SERPINI2: variants seen among roughly 807,000 people sequenced by gnomAD.
The protein encoded by SERPINI2 is serpin I2.
A neutral mutation model predicts 47.3 loss-of-function variants in SERPINI2; 48 were observed. The observed-to-expected ratio is 1.02, with a 90% CI of 0.81 to 1.29. SERPINI2 has a LOEUF of 1.29. SERPINI2 is among the 50% of genes most tolerant of loss of function. The pLI is 0.00. For synonymous variants in SERPINI2, 135 were observed against 149.3 expected, an observed-to-expected ratio of 0.90 and a Z score of 0.70; for missense variants, 448 against 456.9, an observed-to-expected ratio of 0.98 and a Z score of 0.18.
intron 5 of SERPINI2, among the ~76,000 whole-genome samples, chr3:167,463,953 T>C (rs931699194): frequency 1.3e-5 from 2 of 151,384 alleles, no homozygotes; most frequent in African/African-American, 2.4e-5. Context: ...TTCCAGGTTT[T>C]TGCTCCAACA....
intron 6 of SERPINI2, among the ~76,000 whole-genome samples, chr3:167,451,738 A>G (rs913245886): frequency 2.0e-5 from 3 of 152,226 alleles, no homozygotes; most frequent in African/African-American, 4.8e-5. Flanking sequence ...TTTGCAGAAC[A>G]AGTGGCTGTT....
chr3:167,463,312 A>G (rs1750033800), intron 5 of SERPINI2, among the ~76,000 whole-genome samples: 2 of 152,272 alleles, frequency 1.3e-5, no homozygotes, highest in African/African-American at 4.8e-5. Context: ...ATATTCTTTG[A>G]AAAAAAGAAT....
chr3:167,455,706 G>C (rs1406342662), intron 5 of SERPINI2, among the ~76,000 whole-genome samples: 1 of 152,132 alleles, frequency 6.6e-6, no homozygotes, highest in Non-Finnish European at 1.5e-5. Flanking sequence ...GCTGTACAGG[G>C]AGCATGATGC....
chr3:167,466,762 G>C (rs1267239215), intron 3 of SERPINI2, among the ~76,000 whole-genome samples: 2 of 151,912 alleles, frequency 1.3e-5, no homozygotes, highest in African/African-American at 4.8e-5. Context: ...TTTTATGCCT[G>C]AAAAATCTAT....
chr3:167,466,951 A>G (rs1022954236), intron 3 of SERPINI2, 104 bp downstream of exon 3: 1 of 669,556 alleles, frequency 1.5e-6, no homozygotes, highest in Non-Finnish European at 2.5e-6. Flanking sequence ...GATTCCTCTG[A>G]TCCATACTGC....
At chr3:167,473,847 T>C in intron 1 of SERPINI2, 156 bp downstream of exon 1, 1 of 1,320,808 alleles carries the variant, frequency 7.6e-7, no homozygotes, top group Non-Finnish European at 9.8e-7. Flanking sequence ...GGTGAAATCA[T>C]TTAAGGAGAA....
chr3:167,468,836 C>T (rs1356912291), intron 2 of SERPINI2, among the ~76,000 whole-genome samples: 1 of 151,830 alleles, frequency 6.6e-6, no homozygotes, highest in African/African-American at 2.4e-5. Flanking sequence ...AGAGCTTTTC[C>T]AAAAGAATTA....
chr3:167,455,881 A>G (rs1004344914), intron 5 of SERPINI2, among the ~76,000 whole-genome samples: 6 of 152,272 alleles, frequency 3.9e-5, no homozygotes, highest in South Asian at 2.1e-4. Flanking sequence ...TACGATGAGC[A>G]CAGCACTGAA....
At chr3:167,465,893 G>T (rs1750121058) in intron 3 of SERPINI2, among the ~76,000 whole-genome samples, 1 of 152,126 alleles carries the variant, frequency 6.6e-6, no homozygotes, top group Non-Finnish European at 1.5e-5. Flanking sequence ...TTAGAAATAT[G>T]AGACTGTTTT....
exon 8 of SERPINI2, chr3:167,446,409 A>G (rs574440828): frequency 6.2e-7 from 1 of 1,608,490 alleles, no homozygotes; most frequent in East Asian, 2.2e-5. Flanking sequence ...ATTATGCTTC[A>G]TAATAAACAG....
At chr3:167,454,262 T>C (rs1345211635) in intron 5 of SERPINI2, among the ~76,000 whole-genome samples, 1 of 152,266 alleles carries the variant, frequency 6.6e-6, no homozygotes, top group African/African-American at 2.4e-5. Flanking sequence ...ATGAACATGC[T>C]GTGGCAGAAC....
At chr3:167,452,116 C>G (rs1268893550) in intron 6 of SERPINI2, among the ~76,000 whole-genome samples, 5 of 152,140 alleles carry the variant, frequency 3.3e-5, no homozygotes. Flanking sequence ...GTTTCCAAAG[C>G]CCAGATACCT....
exon 1 of SERPINI2, chr3:167,474,073 TA>T: frequency 9.7e-7 from 1 of 1,030,536 alleles, no homozygotes; most frequent in Non-Finnish European, 1.2e-6. Context: ...CTCTTGTACA[TA>T]AACACCTGAG....
intron 6 of SERPINI2, among the ~76,000 whole-genome samples, 187 bp from the exon 7 acceptor site, chr3:167,449,589 G>A (rs1749587965): frequency 6.6e-6 from 1 of 152,094 alleles, no homozygotes; most frequent in East Asian, 1.9e-4. Flanking sequence ...CTGCCTCCCA[G>A]ATTCAAACGA....
At chr3:167,467,963 T>C (rs1194251812) in intron 2 of SERPINI2, among the ~76,000 whole-genome samples, 1 of 152,194 alleles carries the variant, frequency 6.6e-6, no homozygotes, top group East Asian at 1.9e-4. Flanking sequence ...AGAATCACTT[T>C]CGGCCTATTA....
chr3:167,457,484 T>C (rs1468085114), intron 5 of SERPINI2, among the ~76,000 whole-genome samples: 1 of 152,242 alleles, frequency 6.6e-6, no homozygotes, highest in Non-Finnish European at 1.5e-5. Flanking sequence ...ACCAGTTCCT[T>C]ACTATTCCCA....
At chr3:167,455,502 A>G (rs1301587282) in intron 5 of SERPINI2, among the ~76,000 whole-genome samples, 1 of 151,560 alleles carries the variant, frequency 6.6e-6, no homozygotes, top group African/African-American at 2.4e-5. Context: ...GGTTTGTGTT[A>G]TCATCTGAAA....
intron 1 of SERPINI2, among the ~76,000 whole-genome samples, chr3:167,472,719 G>A (rs1750370619): frequency 1.3e-5 from 2 of 151,644 alleles, no homozygotes; most frequent in Admixed American, 1.3e-4. Flanking sequence ...CAATTCACAA[G>A]ACTAATAATA....
chr3:167,449,848 A>G (rs552398542), intron 6 of SERPINI2, among the ~76,000 whole-genome samples: 2 of 152,216 alleles, frequency 1.3e-5, no homozygotes, highest in Non-Finnish European at 2.9e-5. Context: ...ACTTTTTCCT[A>G]TTTAGTCAAT....
Sources: allele counts gnomAD v4.1 joint callset (sites outside exome capture counted in the v4.1 genomes callset), GRCh38; gene constraint gnomAD v4.1.1; transcripts MANE v1.5; gene names NCBI Gene and HGNC (gene_info 2026-07-23, HGNC 2026-07-21).